Variants in MGAT4C observed in about 807,000 individuals in gnomAD.
MGAT4C encodes the protein MGAT4 family member C, also known as alpha-1,3-mannosyl-glycoprotein 4-beta-N-acetylglucosaminyltransferase C.
MGAT4C carries 19 observed loss-of-function variants against 40.1 expected under a neutral mutation model. The ratio of observed to expected loss-of-function variants is 0.47; its 90% CI spans 0.33 to 0.70. MGAT4C has a LOEUF of 0.70. MGAT4C is among the 30% of genes least tolerant of loss of function. The pLI is 0.02. For missense variants in MGAT4C, 491 were observed against 563.2 expected, an observed-to-expected ratio of 0.87 and a Z score of 1.30; for synonymous variants, 181 against 187.1, an observed-to-expected ratio of 0.97 and a Z score of 0.27.
At chr12:86,221,603 C>G (rs1295899548) in intron 1 of MGAT4C, among the ~76,000 whole-genome samples, 1 of 152,142 alleles carries the variant, frequency 6.6e-6, no homozygotes, top group Non-Finnish European at 1.5e-5. Context: ...AAGCAGCAAC[C>G]TGACTTAAGG....
intron 2 of MGAT4C, among the ~76,000 whole-genome samples, chr12:86,599,222 T>A (rs919048064): frequency 6.6e-6 from 1 of 152,132 alleles, no homozygotes; most frequent in Non-Finnish European, 1.5e-5. Flanking sequence ...CAGATATGAA[T>A]AATAAATGTA....
intron 2 of MGAT4C, among the ~76,000 whole-genome samples, chr12:86,451,788 C>T (rs530333670): frequency 3.9e-5 from 6 of 152,238 alleles, no homozygotes; most frequent in Non-Finnish European, 7.4e-5. Context: ...TCTTCTTCTA[C>T]ACCCACTTAC....
chr12:86,523,618 T>C (rs1343440600), intron 2 of MGAT4C, among the ~76,000 whole-genome samples: 1 of 152,114 alleles, frequency 6.6e-6, no homozygotes, highest in Non-Finnish European at 1.5e-5. Context: ...TAAGATGCAG[T>C]GCTCAGTTCA....
At chr12:86,293,443 T>C (rs1953577161) in intron 4 of MGAT4C, among the ~76,000 whole-genome samples, 1 of 152,152 alleles carries the variant, frequency 6.6e-6, no homozygotes, top group African/African-American at 2.4e-5. Flanking sequence ...AAAAAAATAA[T>C]AGGAAGGCAA....
chr12:86,545,154 C>T (rs920469284), intron 2 of MGAT4C, among the ~76,000 whole-genome samples: 7 of 151,834 alleles, frequency 4.6e-5, no homozygotes, highest in Admixed American at 3.9e-4. Context: ...CAACAGCCAC[C>T]CTCTGGCATA....
At chr12:86,756,393 C>T (rs1028136602) in intron 1 of MGAT4C, among the ~76,000 whole-genome samples, 2 of 151,316 alleles carry the variant, frequency 1.3e-5, no homozygotes, top group Non-Finnish European at 2.9e-5. Flanking sequence ...ATATCACAAC[C>T]TGGTGAATTA....
At chr12:86,768,190 T>G (rs1293895784) in intron 1 of MGAT4C, among the ~76,000 whole-genome samples, 1 of 152,120 alleles carries the variant, frequency 6.6e-6, no homozygotes, top group Non-Finnish European at 1.5e-5. Flanking sequence ...AAAATCAATG[T>G]ACAAAAATCA....
Position 86,172,862 on chromosome 12 carries a change from T to A in MGAT4C, c.-57+83377A>T, listed in dbSNP as rs142227369. ...ATTCTGAGTCAGTGTATTCTATAAATCCTTTTAATAATGAATATTAATGAT... is the reference window on the plus strand; with the variant it reads ...ATTCTGAGTCAGTGTATTCTATAAAACCTTTTAATAATGAATATTAATGAT... On this transcript the variant is annotated intron_variant, in intron 1 of 4. Coordinates refer to ENST00000611864, the MANE Select transcript of MGAT4C (RefSeq NM_001351288.2). 4.8e-3 allele frequency among the ~76,000 whole-genome samples: 726 copies of A among 152,228 alleles called. 5 individuals carry two copies. The highest frequency in any genetic ancestry group is 0.016 in the African/African-American group (681 of 41,566).
chr12:86,428,100 CAAATT>C (rs1956964655), intron 3 of MGAT4C, among the ~76,000 whole-genome samples: 1 of 151,980 alleles, frequency 6.6e-6, no homozygotes, highest in South Asian at 2.1e-4. Context: ...ATCATTGTCT[CAAATT>C]AAAATATCAG....
intron 4 of MGAT4C, among the ~76,000 whole-genome samples, chr12:86,284,909 A>G (rs890529126): frequency 1.3e-5 from 2 of 151,988 alleles, no homozygotes; most frequent in Non-Finnish European, 1.5e-5. Flanking sequence ...TTTTTTCAGT[A>G]ATTTTCATCC....
At chr12:86,205,201 AACATT>A (rs1484445294) in intron 1 of MGAT4C, among the ~76,000 whole-genome samples, 3 of 151,952 alleles carry the variant, frequency 2.0e-5, no homozygotes, top group African/African-American at 7.2e-5. Flanking sequence ...ACAGAAATGT[AACATT>A]ATGAAATCTT....
At chr12:86,674,417 T>C (rs1964339460) in intron 2 of MGAT4C, among the ~76,000 whole-genome samples, 1 of 152,146 alleles carries the variant, frequency 6.6e-6, no homozygotes, top group African/African-American at 2.4e-5. Context: ...TACAGACTTT[T>C]TCAGGGATCA....
At chr12:86,679,746 C>A (rs1049363611) in intron 2 of MGAT4C, among the ~76,000 whole-genome samples, 6 of 152,056 alleles carry the variant, frequency 3.9e-5, no homozygotes, top group African/African-American at 1.2e-4. Flanking sequence ...AGAAGTGGAA[C>A]CTCTAAAGAT....
intron 2 of MGAT4C, among the ~76,000 whole-genome samples, chr12:85,995,312 T>G (rs1250700743): frequency 1.3e-5 from 2 of 152,106 alleles, no homozygotes; most frequent in Non-Finnish European, 2.9e-5. Flanking sequence ...AGAATTTGAG[T>G]GGCAGAATAT....
intron 4 of MGAT4C, among the ~76,000 whole-genome samples, chr12:86,322,096 C>G (rs1954404499): frequency 6.6e-6 from 1 of 151,610 alleles, no homozygotes; most frequent in Admixed American, 6.6e-5. Flanking sequence ...AGATGGAAAC[C>G]ATCATTCTGA....
chr12:86,665,812 C>T (rs1213535051), intron 2 of MGAT4C, among the ~76,000 whole-genome samples: 1 of 152,100 alleles, frequency 6.6e-6, no homozygotes, highest in Non-Finnish European at 1.5e-5. Context: ...AGAAACTGAT[C>T]GTTTTCCTCA....
intron 1 of MGAT4C, among the ~76,000 whole-genome samples, chr12:86,113,371 T>C (rs1228692949): frequency 2.0e-5 from 3 of 151,884 alleles, no homozygotes; most frequent in Non-Finnish European, 4.4e-5. Context: ...CTGCCTGAGC[T>C]GATTATTAGG....
At chr12:86,566,441 C>T (rs569535139) in intron 2 of MGAT4C, among the ~76,000 whole-genome samples, 2 of 149,216 alleles carry the variant, frequency 1.3e-5, no homozygotes, top group African/African-American at 4.9e-5. Flanking sequence ...AGTTTTGGAA[C>T]TCAGACTGGC....
intron 1 of MGAT4C, among the ~76,000 whole-genome samples, chr12:86,136,698 C>CT (rs1304259314): frequency 6.6e-6 from 1 of 151,580 alleles, no homozygotes; most frequent in African/African-American, 2.4e-5. Context: ...TTTGTTTTTT[C>CT]TTTTTTTGAG....
Sources: gnomAD v4.1 joint callset for allele counts (sites outside exome capture counted in the v4.1 genomes callset) on GRCh38, gnomAD v4.1.1 for gene constraint, MANE v1.5 for transcripts, NCBI Gene and HGNC (gene_info 2026-07-23, HGNC 2026-07-21) for gene names.